The following TEX9 variants were observed in gnomAD, a reference collection of about 807,000 sequenced individuals.
TEX9 encodes testis-expressed protein 9.
A neutral mutation model predicts 59.6 loss-of-function variants in TEX9; 74 were observed. The ratio of observed to expected loss-of-function variants is 1.24; its 90% confidence interval spans 1.03 to 1.51. The LOEUF is 1.51. TEX9 is among the 40% of genes most tolerant of loss of function. The pLI is 0.00. For synonymous variants in TEX9, 186 were observed against 152.2 expected, an observed-to-expected ratio of 1.22 and a Z score of -1.64; for missense variants, 522 against 447.8, an observed-to-expected ratio of 1.17 and a Z score of -1.49.
intron 12 of TEX9, among the ~76,000 whole-genome samples, chr15:56,430,597 A>G (rs1475922820): frequency 2.6e-5 from 4 of 152,224 alleles, no homozygotes; most frequent in Non-Finnish European, 4.4e-5. Context: ...TTAACTAGTT[A>G]TAACTTCCTA....
intron 3 of TEX9, among the ~76,000 whole-genome samples, chr15:56,382,934 T>C (rs760306497): frequency 2.0e-5 from 3 of 152,152 alleles, no homozygotes; most frequent in Non-Finnish European, 4.4e-5. Flanking sequence ...CCTCTGGCTC[T>C]GAGTCAAGCC....
upstream of TEX9, chr15:56,365,372 G>T: frequency 2.6e-6 from 4 of 1,546,238 alleles, no homozygotes; most frequent in Non-Finnish European, 2.6e-6. Flanking sequence ...TAGGCGCCCG[G>T]GCGGGAGGCA....
intron 3 of TEX9, chr15:56,374,413 T>C (rs572212730): frequency 1.3e-5 from 2 of 152,300 alleles, no homozygotes; most frequent in African/African-American, 4.8e-5. Flanking sequence ...AAATTTTTAA[T>C]GTTTGTGGTT....
chr15:56,388,792 C>T (rs559252357), intron 5 of TEX9, among the ~76,000 whole-genome samples: 2 of 151,422 alleles, frequency 1.3e-5, no homozygotes, highest in East Asian at 3.9e-4. Flanking sequence ...TTTTTCCTGA[C>T]GCTTAAATCT....
At chr15:56,275,451 G>A (rs2044645528) in intron 1 of TEX9, among the ~76,000 whole-genome samples, 1 of 152,166 alleles carries the variant, frequency 6.6e-6, no homozygotes, top group South Asian at 2.1e-4. Context: ...CTAGGGAGAA[G>A]AGCCTATGAA....
At chr15:56,455,247 G>GAAAAAA in the TEX9 span, among the ~76,000 whole-genome samples, 1 of 82,914 alleles carries the variant, frequency 1.2e-5, no homozygotes, top group Non-Finnish European at 2.4e-5. Flanking sequence ...ATCGTCAGGT[G>GAAAAAA]AAAAAAAAAA....
At chr15:56,269,306 C>T (rs571421655) in intron 1 of TEX9, among the ~76,000 whole-genome samples, 85 of 151,886 alleles carry the variant, frequency 5.6e-4, no homozygotes, top group Non-Finnish European at 9.3e-4. Context: ...AGGGTTTTTT[C>T]GTGTCTCTAT....
chr15:56,322,642 C>A (rs2045927701), intron 1 of TEX9, among the ~76,000 whole-genome samples: 1 of 152,102 alleles, frequency 6.6e-6, no homozygotes, highest in Non-Finnish European at 1.5e-5. Context: ...TTTTTAGTGA[C>A]TCCAAGGCAC....
At chr15:56,405,622 G>T (rs1364352995) in intron 9 of TEX9, among the ~76,000 whole-genome samples, 1 of 152,108 alleles carries the variant, frequency 6.6e-6, no homozygotes, top group Non-Finnish European at 1.5e-5. Context: ...TTTCCAGCTT[G>T]CATCCCTATC....
chr15:56,430,250 A>C (rs1475809670), intron 12 of TEX9, 96 bp downstream of exon 12: 1 of 152,292 alleles, frequency 6.6e-6, no homozygotes, highest in Non-Finnish European at 1.5e-5. Flanking sequence ...TCTGTTGCCC[A>C]GGCTGGAGTG....
intron 10 of TEX9, among the ~76,000 whole-genome samples, chr15:56,426,626 T>TATATATATATATATATACACAC (rs1214988827): frequency 8.5e-5 from 4 of 47,202 alleles, no homozygotes; most frequent in Non-Finnish European, 2.0e-4. Context: ...TATATATATA[T>TATATATATATATATATACACAC]ACACACACAC....
intron 1 of TEX9, among the ~76,000 whole-genome samples, chr15:56,285,609 C>T (rs1322276880): frequency 6.6e-6 from 1 of 152,108 alleles, no homozygotes; most frequent in Non-Finnish European, 1.5e-5. Context: ...TTCAGCCTTC[C>T]CTTGGATTTT....
intron 1 of TEX9, among the ~76,000 whole-genome samples, chr15:56,275,694 G>A (rs150399654): frequency 4.5e-4 from 68 of 152,010 alleles, no homozygotes; most frequent in Admixed American, 1.8e-3. Flanking sequence ...CTTTATTGTC[G>A]TTATTTTTTT....
At chr15:56,437,520 G>A (rs1596257014) in intron 12 of TEX9, among the ~76,000 whole-genome samples, 1 of 152,234 alleles carries the variant, frequency 6.6e-6, no homozygotes, top group Admixed American at 6.5e-5. Flanking sequence ...TACTGAATGG[G>A]CAAAAACTGG....
At chr15:56,434,068 T>C in intron 12 of TEX9, 1 of 1,474,040 alleles carries the variant, frequency 6.8e-7, no homozygotes, top group Non-Finnish European at 9.2e-7. Flanking sequence ...CAGTAAATGT[T>C]TAGTGGATGA....
chr15:56,315,542 C>A lies in TEX9; in HGVS notation c.-106-57899C>A, dbSNP rs1304310479. Among the ~76,000 whole-genome samples, 2 of 150,564 alleles carry A rather than the reference C, an allele frequency of 1.3e-5. 1 individual carries two copies. Among genetic ancestry groups the A allele is most frequent in the Non-Finnish European group, 3.0e-5 (2 of 67,476 alleles). On this transcript the variant is annotated intron_variant, in intron 1 of 5. Coordinates refer to the TEX9 transcript ENST00000560827. ...TCCGCTGTTAGTCTGATGGCCTTCC[C>A]TTTGAGGGTAACCCGACCTTTCTCT... is the stretch of plus-strand genomic sequence containing the variant.
chr15:56,308,943 A>C (rs2045543325), intron 1 of TEX9, among the ~76,000 whole-genome samples: 1 of 152,132 alleles, frequency 6.6e-6, no homozygotes, highest in Non-Finnish European at 1.5e-5. Context: ...CACTATCATT[A>C]GTGTGGCTTT....
At chr15:56,422,076 C>T (rs1252225364) in intron 10 of TEX9, among the ~76,000 whole-genome samples, 1 of 126,104 alleles carries the variant, frequency 7.9e-6, no homozygotes, top group Non-Finnish European at 1.6e-5. Flanking sequence ...AGTTTACAGT[C>T]CCACCAACAG....
Position 56,369,738 on chromosome 15 carries a change from C to A in TEX9, c.120-3703C>A, listed in dbSNP as rs139455103. Among the ~76,000 whole-genome samples the A allele has an allele frequency of 4.9e-4, 75 of 152,242 alleles. 1 individual carries two copies. The highest frequency in any genetic ancestry group is 1.8e-3 in the African/African-American group (75 of 41,556). ...ACTTTTTGTAAAAGTTCTATGCGTT[C>A]TTTGATAGAAAATGTATTTATTATT... On this transcript the variant is annotated intron_variant, in intron 2 of 12. Coordinates refer to ENST00000352903, the Ensembl canonical transcript of TEX9.
Sources: gnomAD v4.1 joint callset for allele counts (sites outside exome capture counted in the v4.1 genomes callset) on GRCh38, gnomAD v4.1.1 for gene constraint, MANE v1.5 for transcripts, NCBI Gene and HGNC (gene_info 2026-07-23, HGNC 2026-07-21) for gene names.